CPHXL: variants seen among roughly 807,000 people sequenced by gnomAD.
CPHXL encodes cytoplasmic polyadenylated homeobox like.
intron 2 of CPHXL, among the ~76,000 whole-genome samples, chr16:75,716,201 A>C (rs972018722): frequency 3.9e-5 from 6 of 152,154 alleles, no homozygotes; most frequent in African/African-American, 1.4e-4. Flanking sequence ...GTTTTTCCAC[A>C]CACCAGGCAA....
At chr16:75,720,621 G>A (rs111975797) in intron 1 of CPHXL, among the ~76,000 whole-genome samples, 2 of 152,300 alleles carry the variant, frequency 1.3e-5, no homozygotes, top group Middle Eastern at 6.8e-3. Context: ...CCAAATCTAC[G>A]TCTGATTGGT....
In CPHXL at chr16:75,723,588, A is replaced by C. The variant is rs1243895644; in HGVS notation, c.25+2830T>G. On this transcript the variant is annotated intron_variant, in intron 1 of 2. Transcript: ENST00000640559. ...CAAGGAGAACTACAAACCACTGCTC[A>C]ATGAAATAAAAGAGGATACAAACAA... is the stretch of plus-strand genomic sequence containing the variant. 2.0e-5 allele frequency among the ~76,000 whole-genome samples: 3 copies of C among 152,178 alleles called. No individual in the cohort carries two copies. The East Asian group carries it at 5.8e-4, about 29-fold the overall frequency.
chr16:75,716,639 T>C (rs1377667203), intron 2 of CPHXL, among the ~76,000 whole-genome samples: 1 of 152,206 alleles, frequency 6.6e-6, no homozygotes, highest in Non-Finnish European at 1.5e-5. Flanking sequence ...TTTGTTTTTT[T>C]TCTGGAGGCT....
At chr16:75,723,869 AACCAAAACAGCATGGTACTGGT>A (rs1422670751) in intron 1 of CPHXL, among the ~76,000 whole-genome samples, 33 of 152,328 alleles carry the variant, frequency 2.2e-4, no homozygotes, top group South Asian at 1.2e-3. Flanking sequence ...AGGCTACAGT[AACCAAAACAGCATGGTACTGGT>A]ACCAAAACAG....
At chr16:75,715,359 G>A (rs4887837) in intron 2 of CPHXL, 137 bp from the exon 3 acceptor site, 46,816 of 396,508 alleles carry the variant, frequency 0.12, 8,284 homozygotes, top group East Asian at 0.66. Flanking sequence ...TGACATTAAA[G>A]CATATAAATA....
chr16:75,720,412 C>A (rs1959460161), intron 1 of CPHXL, among the ~76,000 whole-genome samples: 1 of 152,110 alleles, frequency 6.6e-6, no homozygotes, highest in African/African-American at 2.4e-5. Flanking sequence ...CGTTAAAGGA[C>A]CTGATGGAGC....
rs368851450 is a variant in CPHXL, at chr16:75,717,648, T to G, written c.219+617A>C. ...CACACCTGCAACCTCCTCTCACATT[T>G]TTTTTGAAACAGGGTCTCATTCTGT... is the stretch of plus-strand genomic sequence containing the variant. On this transcript the variant is annotated intron_variant, in intron 2 of 2. Coordinates refer to ENST00000640559, the MANE Select transcript of CPHXL (RefSeq NM_001355613.1). 1.1e-3 allele frequency among the ~76,000 whole-genome samples: 163 copies of G among 152,334 alleles called. 1 individual carries two copies. Among genetic ancestry groups the G allele is most frequent in the African/African-American group, 3.7e-3 (155 of 41,588 alleles).
At chr16:75,722,130 T>C (rs1010794495) in intron 1 of CPHXL, among the ~76,000 whole-genome samples, 4 of 152,130 alleles carry the variant, frequency 2.6e-5, no homozygotes, top group African/African-American at 7.2e-5. Context: ...TTTAGAGCAC[T>C]AAATGCCCAC....
intron 1 of CPHXL, among the ~76,000 whole-genome samples, chr16:75,719,882 C>T (rs1331992932): frequency 6.6e-6 from 1 of 152,100 alleles, no homozygotes; most frequent in Admixed American, 6.6e-5. Flanking sequence ...CCTCACACGG[C>T]CGGGTACTCC....
chr16:75,723,537 C>A (rs1240159642), intron 1 of CPHXL, among the ~76,000 whole-genome samples: 1 of 152,170 alleles, frequency 6.6e-6, no homozygotes. Context: ...AGGAATTCAA[C>A]TTACAAGGGA....
intron 1 of CPHXL, among the ~76,000 whole-genome samples, chr16:75,725,649 T>A (rs1047422102): frequency 3.3e-5 from 5 of 151,900 alleles, no homozygotes; most frequent in African/African-American, 9.7e-5. Context: ...AGACGGGGTT[T>A]CACCGTGTTA....
At chr16:75,719,823 C>T (rs145736837) in intron 1 of CPHXL, among the ~76,000 whole-genome samples, 1,584 of 152,220 alleles carry the variant, frequency 0.01, 25 homozygotes, top group African/African-American at 0.036. Flanking sequence ...GGTCCCTGAC[C>T]CCTGAGTAGC....
chr16:75,716,832 A>G (rs1959399549), intron 2 of CPHXL, among the ~76,000 whole-genome samples: 1 of 152,224 alleles, frequency 6.6e-6, no homozygotes, highest in Admixed American at 6.5e-5. Flanking sequence ...TCAGTTCATT[A>G]GTAGACAACT....
chr16:75,720,361 A>T (rs1452039027), intron 1 of CPHXL, among the ~76,000 whole-genome samples: 2 of 152,168 alleles, frequency 1.3e-5, no homozygotes, highest in Non-Finnish European at 2.9e-5. Flanking sequence ...TTGAAAAAAA[A>T]TTAGATGAAT....
At chr16:75,724,989 G>T (rs1252409262) in intron 1 of CPHXL, among the ~76,000 whole-genome samples, 1 of 152,132 alleles carries the variant, frequency 6.6e-6, no homozygotes, top group East Asian at 1.9e-4. Context: ...CATGGATGAA[G>T]CTGGAAACCA....
intron 1 of CPHXL, among the ~76,000 whole-genome samples, chr16:75,724,966 TC>T (rs1205690141): frequency 3.3e-5 from 5 of 152,182 alleles, no homozygotes; most frequent in Non-Finnish European, 7.3e-5. Flanking sequence ...TGAGTTCATG[TC>T]CTTTGTAGGG....
chr16:75,718,684 T>G (rs1959429639), intron 1 of CPHXL, among the ~76,000 whole-genome samples: 1 of 152,204 alleles, frequency 6.6e-6, no homozygotes, highest in Non-Finnish European at 1.5e-5. Context: ...TTTTTGTAAA[T>G]AGAGTTTTAT....
rs148839229 is a variant in CPHXL, at chr16:75,716,352, C to A, written c.220-1130G>T. 2.1e-3 allele frequency among the ~76,000 whole-genome samples: 327 copies of A among 152,318 alleles called. 1 individual carries two copies. The highest frequency in any genetic ancestry group is 0.01 in the Middle Eastern group (3 of 294). On this transcript the variant is annotated intron_variant, in intron 2 of 2. Coordinates refer to ENST00000640559, the MANE Select transcript of CPHXL (RefSeq NM_001355613.1). ...CCTCCTTCAGATGCCAGTTGCAAGT[C>A]TGGGCTTCTGAAACTTTTGGCTGAC...
At chr16:75,721,898 A>G (rs550750913) in intron 1 of CPHXL, among the ~76,000 whole-genome samples, 1 of 152,322 alleles carries the variant, frequency 6.6e-6, no homozygotes, top group Non-Finnish European at 1.5e-5. Flanking sequence ...AATTATAACA[A>G]ACTGTCTCTC....
Sources: allele counts gnomAD v4.1 joint callset (sites outside exome capture counted in the v4.1 genomes callset), GRCh38; gene constraint gnomAD v4.1.1; transcripts MANE v1.5; gene names NCBI Gene and HGNC (gene_info 2026-07-23, HGNC 2026-07-21).